The following CCDC171 variants were observed in gnomAD, a reference collection of about 807,000 sequenced individuals.
CCDC171 encodes coiled-coil domain containing 171.
CCDC171 carries 177 observed loss-of-function variants against 168.2 expected under a neutral mutation model. The observed-to-expected ratio is 1.05, with a 90% CI of 0.93 to 1.19. The LOEUF (loss-of-function observed/expected upper bound fraction) is 1.19. Ranked by LOEUF, CCDC171 falls within the 50% of genes most tolerant of loss-of-function variation. The pLI is 0.00. For missense variants in CCDC171, 1,991 were observed against 1,539.0 expected, an observed-to-expected ratio of 1.29 and a Z score of -4.91; for synonymous variants, 687 against 540.8, an observed-to-expected ratio of 1.27 and a Z score of -3.75.
At chr9:16,002,021 G>T (rs997878253) in intron 3 of CCDC171, among the ~76,000 whole-genome samples, 1 of 150,966 alleles carries the variant, frequency 6.6e-6, no homozygotes, top group African/African-American at 2.4e-5. Flanking sequence ...GTAGAGACAG[G>T]GTCTCACTAT....
chr9:15,588,128 G>A (rs770500806), intron 4 of CCDC171, among the ~76,000 whole-genome samples: 6 of 152,042 alleles, frequency 3.9e-5, no homozygotes, highest in South Asian at 2.1e-4. Flanking sequence ...CCAGCTACTC[G>A]GGAGGCTGAG....
rs530193210 is a variant in CCDC171, at chr9:15,819,087, C to G, written c.3268-27615C>G. ...TTCAACCCAGAATTTCATATCCAGC[C>G]AAACTAAGCTTCATAAGTGAAGGAG... On this transcript the variant is annotated intron_variant, in intron 21 of 25. Coordinates refer to ENST00000380701, the MANE Select transcript of CCDC171 (RefSeq NM_173550.4). Among the ~76,000 whole-genome samples the G allele has an allele frequency of 2.3e-3, 269 of 116,530 alleles. 86 individuals are homozygous for G. Among genetic ancestry groups the G allele is most frequent in the Admixed American group, 3.2e-3 (39 of 12,338 alleles). The allele number at this position is 116,530 out of a possible 152,430, so 76.4% of individuals were successfully genotyped here.
chr9:16,065,346 T>C (rs563632317), downstream of CCDC171, among the ~76,000 whole-genome samples: 20 of 152,062 alleles, frequency 1.3e-4, no homozygotes, highest in Non-Finnish European at 2.1e-4. Flanking sequence ...TTCTGGGACG[T>C]TCTGGGAAAA....
intron 18 of CCDC171, among the ~76,000 whole-genome samples, chr9:15,756,935 A>T (rs944064698): frequency 6.6e-6 from 1 of 152,174 alleles, no homozygotes; most frequent in African/African-American, 2.4e-5. Flanking sequence ...TGTAATTGTG[A>T]GGCCTCCTCA....
intron 6 of CCDC171, among the ~76,000 whole-genome samples, chr9:15,603,289 G>A (rs1015347829): frequency 2.6e-5 from 4 of 152,168 alleles, no homozygotes; most frequent in Non-Finnish European, 4.4e-5. Context: ...TATGCAGGAT[G>A]TGCAGGTTAG....
chr9:15,937,317 G>C (rs1039130321), intron 25 of CCDC171, among the ~76,000 whole-genome samples: 2 of 151,938 alleles, frequency 1.3e-5, no homozygotes, highest in Non-Finnish European at 2.9e-5. Flanking sequence ...CTTTTGGAAG[G>C]AAATGAACCT....
At chr9:16,076,004 G>A in the CCDC171 span, among the ~76,000 whole-genome samples, 3 of 152,212 alleles carry the variant, frequency 2.0e-5, no homozygotes, top group East Asian at 5.8e-4. Flanking sequence ...CTTATTGCAA[G>A]TGATAGTCAA....
chr9:15,804,350 A>G (rs1405210590), intron 21 of CCDC171, among the ~76,000 whole-genome samples: 1 of 152,040 alleles, frequency 6.6e-6, no homozygotes, highest in Non-Finnish European at 1.5e-5. Flanking sequence ...CTCATACTGT[A>G]TGATATTGGC....
At position 15,874,643 on chromosome 9, in the gene CCDC171, C is replaced by A. The variant is rs1408277954; in HGVS notation, c.3580C>A (p.Pro1194Thr). ...TGCAATGGAGGGGCTCAAGGGCGGG[C>A]CAGAGGTGGTAGCATGCCAGGTTAG... The part of the protein sequence containing the change: ...TFAMEGLKGG[P>T]EVVACQAMIK... Residue 1194 changes from proline (P) to threonine (T), a missense_variant, in exon 24 of 26, where the codon CCA (proline) becomes ACA (threonine). Transcript: ENST00000380701. 1.3e-6 allele frequency: 2 copies of A among 1,587,676 alleles called. No homozygotes were observed. The highest frequency in any genetic ancestry group is 1.8e-5 in the Admixed American group (1 of 56,836).
chr9:15,983,511 T>A (rs4740630), intron 3 of CCDC171, among the ~76,000 whole-genome samples: 16,645 of 137,080 alleles, frequency 0.12, 1,690 homozygotes, highest in African/African-American at 0.31. Context: ...TGTGTGTGTG[T>A]GAGAGAGAGA....
At position 15,714,266 on chromosome 9, in the gene CCDC171, A is replaced by G. The variant is rs189758211; in HGVS notation, c.1319-7503A>G. ...TTGTGTTTTGGTAGGTAAAAGTTCC[A>G]GTGATTTCCTCTTGGCTTTTCCACT... On this transcript the variant is annotated intron_variant, in intron 11 of 25. Transcript: ENST00000380701. Among the ~76,000 whole-genome samples the G allele has an allele frequency of 5.9e-5, 9 of 152,280 alleles. No homozygotes were observed. The East Asian group carries it at 1.7e-3, about 29-fold the overall frequency.
At chr9:15,693,194 G>A (rs566483595) in intron 10 of CCDC171, among the ~76,000 whole-genome samples, 4 of 101,982 alleles carry the variant, frequency 3.9e-5, no homozygotes, top group South Asian at 8.6e-4. Flanking sequence ...TTCTCTCTGC[G>A]TTTACAAATA....
At chr9:15,770,481 C>G (rs1243187813) in intron 18 of CCDC171, among the ~76,000 whole-genome samples, 5 of 152,010 alleles carry the variant, frequency 3.3e-5, no homozygotes, top group African/African-American at 9.7e-5. Context: ...ACCAGACTGC[C>G]AAAGGTATCT....
chr9:15,776,190 G>A (rs554491039), intron 18 of CCDC171: 1 of 151,880 alleles, frequency 6.6e-6, no homozygotes, highest in Admixed American at 6.6e-5. Flanking sequence ...TAAAAACATG[G>A]AACGCTTCAC....
intron 21 of CCDC171, among the ~76,000 whole-genome samples, chr9:15,842,162 A>G (rs73420377): frequency 0.014 from 2,101 of 152,070 alleles, 56 homozygotes; most frequent in African/African-American, 0.048. Context: ...TTTTTATACC[A>G]AATTGAATAA....
intron 21 of CCDC171, among the ~76,000 whole-genome samples, chr9:15,838,826 G>A (rs1224523709): frequency 6.6e-6 from 1 of 152,160 alleles, no homozygotes; most frequent in African/African-American, 2.4e-5. Flanking sequence ...CTAGGAAGAG[G>A]TAGCTACAGA....
intron 7 of CCDC171, among the ~76,000 whole-genome samples, chr9:15,626,695 G>A (rs2045149259): frequency 6.6e-6 from 1 of 152,152 alleles, no homozygotes; most frequent in South Asian, 2.1e-4. Context: ...GCTATTTGAT[G>A]TGCTGCTGGA....
At chr9:15,756,025 G>A (rs1426896872) in intron 18 of CCDC171, among the ~76,000 whole-genome samples, 1 of 152,088 alleles carries the variant, frequency 6.6e-6, no homozygotes, top group African/African-American at 2.4e-5. Context: ...TTTATGTCAG[G>A]AAGGCAAAAG....
At chr9:15,694,154 T>G (rs965866002) in intron 10 of CCDC171, among the ~76,000 whole-genome samples, 1 of 152,188 alleles carries the variant, frequency 6.6e-6, no homozygotes, top group Admixed American at 6.5e-5. Context: ...TTTTTAGTTT[T>G]GTTTGCTGAC....
Sources: gnomAD v4.1 joint callset for allele counts (sites outside exome capture counted in the v4.1 genomes callset) on GRCh38, gnomAD v4.1.1 for gene constraint, MANE v1.5 for transcripts, NCBI Gene and HGNC (gene_info 2026-07-23, HGNC 2026-07-21) for gene names.